The following NCOR2 variants were observed in gnomAD, a reference collection of about 807,000 sequenced individuals.
NCOR2 encodes the protein nuclear receptor corepressor 2, also known as CTG repeat protein 26.
In NCOR2, 81 loss-of-function variants were observed where a neutral mutation model predicts 262.9. The ratio of observed to expected loss-of-function variants is 0.31; its 90% confidence interval spans 0.26 to 0.37. The LOEUF (loss-of-function observed/expected upper bound fraction) is 0.37, where lower values mean the gene tolerates loss of function less well. Ranked by LOEUF, NCOR2 falls within the 10% of genes least tolerant of loss-of-function variation. The probability of loss-of-function intolerance (pLI) is 1.00; values close to 1 mark genes in which losing one functional copy is unlikely to be tolerated. For synonymous variants in NCOR2, 1,659 were observed against 1,559.3 expected, an observed-to-expected ratio of 1.06 and a Z score of -1.51; for missense variants, 3,385 against 3,621.4, an observed-to-expected ratio of 0.93 and a Z score of 1.68.
At chr12:124,465,889 G>A (rs2046389164) in intron 5 of NCOR2, among the ~76,000 whole-genome samples, 1 of 152,194 alleles carries the variant, frequency 6.6e-6, no homozygotes, top group East Asian at 1.9e-4. Context: ...GGACCCTGGT[G>A]CTCTCCTGGA....
At chr12:124,530,896 G>A (rs772308895) in intron 1 of NCOR2, among the ~76,000 whole-genome samples, 2 of 152,222 alleles carry the variant, frequency 1.3e-5, no homozygotes, top group Non-Finnish European at 2.9e-5. Context: ...GACAGAGCTG[G>A]CCAGGATTCT....
upstream of NCOR2, among the ~76,000 whole-genome samples, chr12:124,537,379 G>C (rs1213110856): frequency 6.6e-6 from 1 of 152,208 alleles, no homozygotes; most frequent in Non-Finnish European, 1.5e-5. Flanking sequence ...AAAGCTGAGG[G>C]ATCGGGGACT....
chr12:124,355,151 C>T (rs2037849592), intron 24 of NCOR2: 1 of 615,056 alleles, frequency 1.6e-6, no homozygotes, highest in Non-Finnish European at 2.8e-6. Flanking sequence ...TGCATTTGCC[C>T]TTCCATTTCG....
At position 124,433,443 on chromosome 12, in the gene NCOR2, C is replaced by T. The variant is rs532358486; in HGVS notation, c.883-2656G>A. The stretch of plus-strand genomic sequence containing the variant: ...CGGAAGCCAACAGGCCACTGGCCAG[C>T]GGGGCCTCAGCCTGTCCACATTGCC... On this transcript the variant is annotated intron_variant, in intron 8 of 46. Coordinates refer to ENST00000405201, the Ensembl canonical transcript of NCOR2. Among the ~76,000 whole-genome samples, 16 of 152,268 alleles carry T rather than the reference C, an allele frequency of 1.1e-4. No homozygotes were observed. In the East Asian group the frequency reaches 1.9e-3, roughly 18 times the overall value.
In NCOR2 at chr12:124,354,781, A is replaced by G. The variant is rs573204834; in HGVS notation, c.3484+56T>C. The G allele has an allele frequency of 6.5e-6, 10 of 1,537,186 alleles. No homozygotes were observed. The East Asian group carries it at 2.1e-4, about 32-fold the overall frequency. On this transcript the variant is annotated intron_variant, in intron 25 of 46. Coordinates refer to ENST00000405201, the Ensembl canonical transcript of NCOR2. ...TACCCCTTCCTCCCCCGCCCCACCC[A>G]CAGGACAGCCAGAGCCCAGCCTGAG...
At chr12:124,567,046 A>G (rs1164656758) in intron 1 of NCOR2, among the ~76,000 whole-genome samples, 1 of 67,512 alleles carries the variant, frequency 1.5e-5, no homozygotes, top group Non-Finnish European at 3.2e-5. Context: ...CCCCCCGCCC[A>G]CCCCAACGCC....
At chr12:124,353,818 C>T (rs983313160) in intron 27 of NCOR2, among the ~76,000 whole-genome samples, 8 of 152,224 alleles carry the variant, frequency 5.3e-5, no homozygotes, top group African/African-American at 1.9e-4. Flanking sequence ...TCACATTCTG[C>T]CTGCCTGCTC....
At chr12:124,508,000 T>G (rs1212279554) in intron 1 of NCOR2, among the ~76,000 whole-genome samples, 1 of 152,242 alleles carries the variant, frequency 6.6e-6, no homozygotes, top group East Asian at 1.9e-4. Flanking sequence ...GGTAGATCCC[T>G]GGAGGCATCC....
chr12:124,510,840 C>A (rs1288008568), intron 1 of NCOR2, among the ~76,000 whole-genome samples: 1 of 152,172 alleles, frequency 6.6e-6, no homozygotes, highest in African/African-American at 2.4e-5. Flanking sequence ...CTGTCCACCC[C>A]GGGCCCAGGA....
At chr12:124,463,734 T>C (rs1055236415) in intron 5 of NCOR2, among the ~76,000 whole-genome samples, 4 of 152,236 alleles carry the variant, frequency 2.6e-5, no homozygotes, top group African/African-American at 9.6e-5. Context: ...CGGTAAGTCC[T>C]GGCTGCTCCT....
chr12:124,516,533 A>G (rs966131263), intron 1 of NCOR2, among the ~76,000 whole-genome samples: 2 of 152,032 alleles, frequency 1.3e-5, no homozygotes, highest in African/African-American at 4.8e-5. Context: ...CTTAAATCCA[A>G]CCTTGTGGTT....
intron 33 of NCOR2, among the ~76,000 whole-genome samples, chr12:124,342,471 G>C (rs1028303740): frequency 2.0e-5 from 3 of 152,116 alleles, no homozygotes; most frequent in African/African-American, 7.2e-5. Context: ...CCGGGTTCAC[G>C]CCATTCTCCT....
chr12:124,354,141 T>G (rs756865658), exon 27 of NCOR2: 7 of 1,610,486 alleles, frequency 4.3e-6, no homozygotes, highest in Non-Finnish European at 5.1e-6. Context: ...AGGGCACCCG[T>G]GTGCTGGGAA....
intron 1 of NCOR2, among the ~76,000 whole-genome samples, chr12:124,563,583 C>T (rs1234633643): frequency 6.6e-6 from 1 of 152,292 alleles, no homozygotes; most frequent in African/African-American, 2.4e-5. Context: ...CCTATGGGCA[C>T]TCCAGGCCAC....
Position 124,337,071 on chromosome 12 carries a change from C to T in NCOR2, c.5797G>A (p.Val1933Ile), listed in dbSNP as rs373683334. 8.1e-5 allele frequency: 120 copies of T among 1,486,796 alleles called. No individual in the cohort carries two copies. The highest frequency in any genetic ancestry group is 1.8e-4 in the Middle Eastern group (1 of 5,598). The allele number at this position is 1,486,796 out of a possible 1,614,324, so 92.1% of individuals were successfully genotyped here. A position where few individuals can be genotyped will look rare whatever the true frequency, so the allele number is the denominator to read the frequency against. ...CGGGGGGCCTCCTTGGGCAGCAAGA[C>T]GGGCTCCATGAGGGTAGGGTAGACC... Residue 1933 changes from valine to isoleucine, a missense_variant, in exon 38 of 47, where the codon GTC becomes ATC. By Grantham distance (29) the Val-to-Ile change is conservative. Transcript: ENST00000405201.
upstream of NCOR2, chr12:124,539,096 T>C (rs2051209158): frequency 1.3e-5 from 2 of 152,152 alleles, no homozygotes. The surrounding 1 kb of genome is among the most constrained non-coding windows in gnomAD (Gnocchi z 5.1). Flanking sequence ...CCAGGGCATG[T>C]GGGCCACAGT....
rs781292738 is a variant in NCOR2, at chr12:124,457,913, C to T, written c.706-751G>A. 1.6e-4 allele frequency among the ~76,000 whole-genome samples: 25 copies of T among 152,318 alleles called. No homozygotes were observed. The highest frequency in any genetic ancestry group is 6.2e-4 in the South Asian group (3 of 4,828). On this transcript the variant is annotated intron_variant, in intron 5 of 46. Transcript: ENST00000405201. The surrounding 1 kb of genome is among the most constrained non-coding windows in gnomAD (Gnocchi z 4.0). ...AGGAGGCCTGGAGGGCAGCCCAGGC[C>T]AGCCGGGTACAGGGAGGTGGGGGGC... is the stretch of plus-strand genomic sequence containing the variant.
intron 40 of NCOR2, 66 bp downstream of exon 42, chr12:124,335,069 C>T (rs879403812): frequency 7.8e-5 from 126 of 1,609,764 alleles, no homozygotes; most frequent in Non-Finnish European, 1.0e-4. Flanking sequence ...GGTTCCCCAT[C>T]CCCTCTCCAG....
At chr12:124,479,578 C>T (rs547068355) in intron 3 of NCOR2, among the ~76,000 whole-genome samples, 36 of 152,246 alleles carry the variant, frequency 2.4e-4, no homozygotes, top group East Asian at 9.7e-4. Flanking sequence ...CGCACGCGCG[C>T]GCGCATGCAC....
Sources: allele counts gnomAD v4.1 joint callset (sites outside exome capture counted in the v4.1 genomes callset), GRCh38; gene constraint gnomAD v4.1.1; non-coding constraint Gnocchi (gnomAD v3.1); transcripts MANE v1.5; gene names NCBI Gene and HGNC (gene_info 2026-07-23, HGNC 2026-07-21).